GLT1D1: variants seen among roughly 807,000 people sequenced by gnomAD.
GLT1D1 encodes the protein glycosyltransferase 1 domain containing 1.
A neutral mutation model predicts 28.7 loss-of-function variants in GLT1D1; 21 were observed. The observed-to-expected ratio is 0.73, with a 90% confidence interval of 0.52 to 1.05. The LOEUF (loss-of-function observed/expected upper bound fraction) is 1.05, where lower values mean the gene tolerates loss of function less well. Among genes scored for constraint, GLT1D1 ranks in the 50% least tolerant of loss-of-function variants. The probability of loss-of-function intolerance (pLI) is 0.00; values close to 1 mark genes in which losing one functional copy is unlikely to be tolerated. For missense variants in GLT1D1, 343 were observed against 330.6 expected (o/e 1.04, Z -0.29); for synonymous variants, 147 against 124.8 (o/e 1.18, Z -1.19).
chr12:128,863,302 C>T (rs1956425237), intron 1 of GLT1D1, among the ~76,000 whole-genome samples: 1 of 152,192 alleles, frequency 6.6e-6, no homozygotes, highest in Non-Finnish European at 1.5e-5. Flanking sequence ...TTCTTTCCTT[C>T]TGGTACAAGG....
intron 4 of GLT1D1, among the ~76,000 whole-genome samples, chr12:128,938,640 A>G (rs931191880): frequency 6.6e-6 from 1 of 152,210 alleles, no homozygotes; most frequent in African/African-American, 2.4e-5. Context: ...TATTCTTCAA[A>G]CCAACTTGGT....
chr12:128,888,543 CT>C (rs1868658083), intron 2 of GLT1D1, 95 bp from the exon 3 acceptor site: 1 of 758,822 alleles, frequency 1.3e-6, no homozygotes, highest in Admixed American at 2.4e-5. Context: ...CTCCGGCGAT[CT>C]GGGAACTTCA....
Position 128,984,649 on chromosome 12 carries a change from G to C in GLT1D1, c.*1559G>C, listed in dbSNP as rs1880621786. ...TTATGGCTTTCATGTCTAGGTGTGG[G>C]GACAGAGGAGGGAGAGGCAGATCCT... On this transcript the variant is annotated 3_prime_UTR_variant, in exon 8 of 8. Coordinates refer to ENST00000281703, the MANE Select transcript of GLT1D1 (RefSeq NM_144669.3). 6.6e-6 allele frequency: 1 copy of C among 152,236 alleles called. No individual in the cohort carries two copies. Among genetic ancestry groups the C allele is most frequent in the East Asian group, 1.9e-4 (1 of 5,182 alleles). The allele number at this position is 152,236 out of a possible 1,614,324, so 9.4% of individuals were successfully genotyped here.
At chr12:128,856,604 G>A (rs1014843346) in intron 1 of GLT1D1, among the ~76,000 whole-genome samples, 5 of 152,148 alleles carry the variant, frequency 3.3e-5, no homozygotes, top group Admixed American at 2.0e-4. Context: ...GAGAACACAG[G>A]TCCTGAGCTG....
chr12:128,870,358 G>C (rs1307642494), intron 1 of GLT1D1, among the ~76,000 whole-genome samples: 1 of 152,196 alleles, frequency 6.6e-6, no homozygotes, highest in Admixed American at 6.5e-5. Flanking sequence ...TGGCCGGGGA[G>C]CCACAGAGCG....
rs753168975 is a variant in GLT1D1 at position 128,927,035 on chromosome 12, G to A, written c.376-18291G>A. ...ATGTTATTGAGAAATTTATATTGAAGTTAGTTGTGCTTGCAGCTGTGACTT... is the reference window on the plus strand; with the variant it reads ...ATGTTATTGAGAAATTTATATTGAAATTAGTTGTGCTTGCAGCTGTGACTT... On this transcript the variant is annotated intron_variant, in intron 4 of 7. Transcript: ENST00000281703. 5.0e-6 allele frequency: 5 copies of A among 996,562 alleles called. No individual in the cohort carries two copies. In the East Asian group the frequency reaches 1.3e-4, roughly 26 times the overall value. The allele number at this position is 996,562 out of a possible 1,614,324, so 61.7% of individuals were successfully genotyped here.
intron 3 of GLT1D1, 36 bp downstream of exon 3, chr12:128,888,780 T>G: frequency 1.5e-6 from 2 of 1,309,540 alleles, no homozygotes; most frequent in Non-Finnish European, 2.2e-6. Context: ...TGCCAAACAT[T>G]TAAACTGTGT....
At chr12:128,944,259 C>A (rs1294517508) in intron 4 of GLT1D1, 2 of 579,950 alleles carry the variant, frequency 3.4e-6, no homozygotes, top group Non-Finnish European at 6.5e-6. Flanking sequence ...TAGTTCCACA[C>A]ATTTCTCCTT....
chr12:128,860,056 T>G (rs1253596831), intron 1 of GLT1D1, among the ~76,000 whole-genome samples: 2 of 152,218 alleles, frequency 1.3e-5, no homozygotes, highest in Admixed American at 6.5e-5. Context: ...ACCTGTGAGC[T>G]GCTAGCGAGT....
intron 6 of GLT1D1, among the ~76,000 whole-genome samples, chr12:128,953,007 C>G (rs1343254049): frequency 2.0e-5 from 3 of 152,062 alleles, no homozygotes; most frequent in Admixed American, 1.3e-4. Flanking sequence ...GTCTTGAACT[C>G]CTGGCCTCAA....
intron 6 of GLT1D1, 117 bp from the exon 11 acceptor site, chr12:128,957,427 TG>T: frequency 1.6e-6 from 1 of 630,880 alleles, no homozygotes; most frequent in Non-Finnish European, 2.9e-6. Flanking sequence ...GCGTATTTTT[TG>T]TGAGGTGCCA....
intron 1 of GLT1D1, among the ~76,000 whole-genome samples, chr12:128,874,882 A>G (rs1303032428): frequency 1.3e-5 from 2 of 152,140 alleles, no homozygotes; most frequent in African/African-American, 2.4e-5. Flanking sequence ...CTATAGTAAC[A>G]GTCGTAAATA....
At chr12:128,911,227 G>T (rs1871488045) in intron 4 of GLT1D1, among the ~76,000 whole-genome samples, 1 of 152,228 alleles carries the variant, frequency 6.6e-6, no homozygotes, top group Admixed American at 6.5e-5. Flanking sequence ...ACCATGCCTG[G>T]CCGTGCCACC....
chr12:128,957,755 C>T (rs1483359676), intron 7 of GLT1D1, 112 bp downstream of exon 11: 5 of 701,498 alleles, frequency 7.1e-6, no homozygotes, highest in Admixed American at 2.2e-5. Flanking sequence ...CTACCCGGAG[C>T]CCTGCGGAGA....
chr12:128,853,619 C>G lies in GLT1D1; in HGVS notation c.38C>G (p.Thr13Ser). 1 of 1,181,940 alleles carries G rather than the reference C, an allele frequency of 8.5e-7. No homozygotes were observed. Among genetic ancestry groups the G allele is most frequent in the Non-Finnish European group, 1.1e-6 (1 of 943,724 alleles). 73.2% of individuals were successfully genotyped at this position (1,181,940 alleles called of 1,614,324 possible). The change falls in exon 1 of 8, where the codon ACC becomes AGC. Residue 13 changes from threonine to serine, a missense_variant. Transcript: ENST00000281703. ...TTCCTGGCGGTGCTGCGGCCACACA[C>G]CGGCAACGCGGTCACGGCCCAGCGC... is the stretch of plus-strand genomic sequence containing the variant.
chr12:128,983,055 C>T lies in GLT1D1; in HGVS notation c.766C>T (p.Leu256Phe). 1 of 1,614,126 alleles carries T rather than the reference C, an allele frequency of 6.2e-7. No homozygotes were observed. The change falls in exon 8 of 8, where the codon CTC (leucine) becomes TTC (phenylalanine). Residue 256 changes from leucine (L) to phenylalanine (F), a missense_variant. Transcript: ENST00000281703. The surrounding 1 kb of genome is among the most constrained non-coding windows in gnomAD (Gnocchi z 4.7). ...GGTGGAAAGAGACACCTACCAACAG[C>T]TCATCAGGAAGCTGGAAGGAAGCAC...
intron 1 of GLT1D1, among the ~76,000 whole-genome samples, chr12:128,866,067 CTTTT>C (rs1208489895): frequency 7.5e-6 from 1 of 133,498 alleles, no homozygotes; most frequent in Non-Finnish European, 1.6e-5. Flanking sequence ...GTGATTGTAC[CTTTT>C]TTTTTTTTTT....
At chr12:128,912,360 T>TA (rs1304420770) in intron 4 of GLT1D1, 64 bp from the exon 5 acceptor site, 3 of 1,055,022 alleles carry the variant, frequency 2.8e-6, no homozygotes, top group Non-Finnish European at 4.1e-6. Flanking sequence ...ATTTTATTTC[T>TA]AAAAAGCAGT....
intron 1 of GLT1D1, among the ~76,000 whole-genome samples, chr12:128,874,178 T>C (rs1398252411): frequency 3.0e-4 from 40 of 131,980 alleles, no homozygotes; most frequent in African/African-American, 1.1e-3. Context: ...TTCTTTCTTT[T>C]TTTCTCTTTC....
Sources: gnomAD v4.1 joint callset for allele counts (sites outside exome capture counted in the v4.1 genomes callset) on GRCh38, gnomAD v4.1.1 for gene constraint, Gnocchi (gnomAD v3.1) non-coding constraint, MANE v1.5 for transcripts, NCBI Gene and HGNC (gene_info 2026-07-23, HGNC 2026-07-21) for gene names.